The following PACRG variants were observed in gnomAD, a reference collection of about 807,000 sequenced individuals.
The protein encoded by PACRG is parkin coregulated.
Under a neutral mutation model 29.7 loss-of-function variants are expected in PACRG, and 29 were observed. That is an observed-to-expected ratio of 0.98 (90% CI 0.73 to 1.33). The LOEUF (loss-of-function observed/expected upper bound fraction) is 1.33, where lower values mean the gene tolerates loss of function less well. Among genes scored for constraint, PACRG ranks in the 40% most tolerant of loss-of-function variants. The pLI is 0.00. For missense variants in PACRG, 279 were observed against 316.2 expected, an observed-to-expected ratio of 0.88 and a Z score of 0.89; for synonymous variants, 116 against 118.7, an observed-to-expected ratio of 0.98 and a Z score of 0.15.
At chr6:163,058,222 G>T (rs951225552) in intron 2 of PACRG, among the ~76,000 whole-genome samples, 1 of 152,124 alleles carries the variant, frequency 6.6e-6, no homozygotes, top group African/African-American at 2.4e-5. Flanking sequence ...TTCTAAGCAG[G>T]ATTACGTACA....
chr6:162,946,105 A>G (rs921911072), intron 2 of PACRG, among the ~76,000 whole-genome samples: 1 of 152,106 alleles, frequency 6.6e-6, no homozygotes, highest in Non-Finnish European at 1.5e-5. Context: ...GGAAATAGAA[A>G]GTCAAGAACA....
intron 4 of PACRG, among the ~76,000 whole-genome samples, chr6:163,259,927 A>G (rs888402778): frequency 6.6e-6 from 1 of 152,068 alleles, no homozygotes. Flanking sequence ...TTCTCTGAGG[A>G]GCTGCTTCAG....
intron 2 of PACRG, among the ~76,000 whole-genome samples, chr6:162,850,980 A>T (rs57022561): frequency 3.2e-3 from 492 of 152,336 alleles, no homozygotes; most frequent in African/African-American, 0.011. Flanking sequence ...GAATCCTAGG[A>T]CACCCAGCTG....
intron 2 of PACRG, among the ~76,000 whole-genome samples, chr6:162,832,665 A>G (rs563819747): frequency 8.5e-5 from 13 of 152,296 alleles, no homozygotes; most frequent in Admixed American, 8.5e-4. Flanking sequence ...GATAATTAAC[A>G]TCTGTGAAGG....
intron 4 of PACRG, among the ~76,000 whole-genome samples, chr6:163,179,577 G>A (rs1047752924): frequency 3.9e-5 from 6 of 152,098 alleles, no homozygotes; most frequent in East Asian, 3.9e-4. Flanking sequence ...GTGTTGGCAC[G>A]TGCCTGTAGT....
chr6:162,946,928 T>A (rs1422233941), intron 2 of PACRG, among the ~76,000 whole-genome samples: 1 of 152,016 alleles, frequency 6.6e-6, no homozygotes, highest in Non-Finnish European at 1.5e-5. Flanking sequence ...ATTCAACAAC[T>A]TTTTATGTTA....
At chr6:163,262,330 G>A (rs2128175884) in intron 4 of PACRG, among the ~76,000 whole-genome samples, 1 of 152,300 alleles carries the variant, frequency 6.6e-6, no homozygotes, top group African/African-American at 2.4e-5. Flanking sequence ...TATTTAAGAG[G>A]CAGAGATTAT....
rs186992276 is a variant in PACRG at position 162,837,704 on chromosome 6, T to C, written c.291+23423T>C. 4.6e-5 allele frequency among the ~76,000 whole-genome samples: 7 copies of C among 152,288 alleles called. No homozygotes were observed. The East Asian group carries it at 1.4e-3, about 29-fold the overall frequency. ...ACAAATTTTAGAAAGGAAATAGAAC[T>C]GAGACAACCTTAAATTATCTCTGAA... is the stretch of plus-strand genomic sequence containing the variant. On this transcript the variant is annotated intron_variant, in intron 2 of 4. Coordinates refer to ENST00000366888, the MANE Select transcript of PACRG (RefSeq NM_001080379.2).
At chr6:163,245,038 T>A (rs1782642741) in intron 4 of PACRG, 1 of 455,618 alleles carries the variant, frequency 2.2e-6, no homozygotes. Flanking sequence ...CATCATTGTA[T>A]GTAAAAGTCT....
intron 3 of PACRG, among the ~76,000 whole-genome samples, chr6:163,066,438 G>A (rs551144654): frequency 6.6e-6 from 1 of 152,300 alleles, no homozygotes; most frequent in East Asian, 1.9e-4. Context: ...CAAGTGAGGA[G>A]GACAGTGTAG....
intron 2 of PACRG, among the ~76,000 whole-genome samples, chr6:162,850,902 A>G (rs1790800319): frequency 6.6e-6 from 1 of 152,220 alleles, no homozygotes; most frequent in African/African-American, 2.4e-5. Flanking sequence ...GGGAGGAGAC[A>G]GTCTTGCGGG....
intron 2 of PACRG, among the ~76,000 whole-genome samples, chr6:162,870,966 A>T (rs1006206112): frequency 2.6e-5 from 4 of 152,208 alleles, no homozygotes; most frequent in African/African-American, 9.7e-5. Flanking sequence ...ATGACTGTGA[A>T]CAAAAGTAAA....
chr6:163,272,892 C>CTTTTTTTT (rs200076248), intron 4 of PACRG, among the ~76,000 whole-genome samples: 3 of 109,480 alleles, frequency 2.7e-5, no homozygotes, highest in African/African-American at 3.8e-5. Context: ...ATGCATCATT[C>CTTTTTTTT]TTTTTTTTTT....
intron 4 of PACRG, among the ~76,000 whole-genome samples, chr6:163,249,062 T>C (rs1480500094): frequency 6.6e-6 from 1 of 151,630 alleles, no homozygotes; most frequent in African/African-American, 2.4e-5. Context: ...ATCTGGTTTG[T>C]TCTTAATGAA....
chr6:162,967,202 C>T (rs1801112266), intron 2 of PACRG, among the ~76,000 whole-genome samples: 1 of 151,292 alleles, frequency 6.6e-6, no homozygotes, highest in African/African-American at 2.4e-5. Flanking sequence ...AATGAAGAAG[C>T]AGATATTTTC....
chr6:163,123,434 T>TG (rs1257599063), intron 4 of PACRG, among the ~76,000 whole-genome samples: 2 of 152,218 alleles, frequency 1.3e-5, no homozygotes, highest in Admixed American at 6.5e-5. Context: ...GGAAATGGTT[T>TG]GGGGGGTCGC....
chr6:162,968,314 C>T (rs1197894677), intron 2 of PACRG, among the ~76,000 whole-genome samples: 1 of 152,166 alleles, frequency 6.6e-6, no homozygotes, highest in Non-Finnish European at 1.5e-5. Flanking sequence ...GTACATTAGC[C>T]TAAAATTTAT....
chr6:163,281,305 AT>A (rs1290781449), intron 4 of PACRG, among the ~76,000 whole-genome samples: 1 of 152,198 alleles, frequency 6.6e-6, no homozygotes, highest in Non-Finnish European at 1.5e-5. Flanking sequence ...GGAAGAGCAG[AT>A]CATTGCCATT....
At chr6:162,761,678 C>T (rs190959534) in intron 1 of PACRG, among the ~76,000 whole-genome samples, 3 of 152,206 alleles carry the variant, frequency 2.0e-5, no homozygotes, top group Non-Finnish European at 4.4e-5. Flanking sequence ...GTGGCTCACG[C>T]CTGTAATCCC....
Sources: allele counts gnomAD v4.1 joint callset (sites outside exome capture counted in the v4.1 genomes callset), GRCh38; gene constraint gnomAD v4.1.1; transcripts MANE v1.5; gene names NCBI Gene and HGNC (gene_info 2026-07-23, HGNC 2026-07-21).